The following AHI1 variants were observed in gnomAD, a reference collection of about 807,000 sequenced individuals.
AHI1 encodes jouberin.
In AHI1, 123 loss-of-function variants were observed where a neutral mutation model predicts 149.3. The observed-to-expected ratio is 0.82, with a 90% CI of 0.71 to 0.96. The LOEUF (loss-of-function observed/expected upper bound fraction) is 0.96, where lower values mean the gene tolerates loss of function less well. Ranked by LOEUF, AHI1 falls within the 40% of genes least tolerant of loss-of-function variation. AHI1 has a pLI of 0.00. For synonymous variants in AHI1, 475 were observed against 459.8 expected, an observed-to-expected ratio of 1.03 and a Z score of -0.42; for missense variants, 1,439 against 1,422.7, an observed-to-expected ratio of 1.01 and a Z score of -0.18.
rs772731992 is a variant in AHI1 at position 135,463,305 on chromosome 6, T to C, written c.751A>G (p.Thr251Ala). The change falls in exon 8 of 29, where the codon ACA (threonine) becomes GCA (alanine). Residue 251 changes from threonine to alanine, a missense_variant and splice_region_variant. Thr to Ala is a moderately conservative substitution (Grantham distance 58). Coordinates refer to ENST00000265602, the MANE Select transcript of AHI1 (RefSeq NM_001134831.2). Reference sequence around the variant, plus strand: ...ACTGTGTCACCAGAGATGGTCAATGTACTACAAATATAATCCAAGTATCAG... The same window carrying C: ...ACTGTGTCACCAGAGATGGTCAATGCACTACAAATATAATCCAAGTATCAG... ...VPVFSKAETS[T>A]LTISGDTVEG... 5.6e-6 allele frequency: 9 copies of C among 1,598,874 alleles called. No homozygotes were observed. Among genetic ancestry groups the C allele is most frequent in the Non-Finnish European group, 6.8e-6 (8 of 1,175,012 alleles).
chr6:135,387,765 A>C, intron 23 of AHI1: 1 of 1,226,166 alleles, frequency 8.2e-7, no homozygotes, highest in Non-Finnish European at 1.0e-6. Context: ...CTAAAAAAAA[A>C]AATCAAAAAA....
Position 135,388,099 on chromosome 6 carries a change from A to G in AHI1, c.3109+6677T>C, listed in dbSNP as rs1224282362. On this transcript the variant is annotated intron_variant, in intron 23 of 28. Transcript: ENST00000265602. ...AACATTTTTGATTCTTTTTAGTACC[A>G]TAAAAGACATTTAAGGGCATCTGCC... is the stretch of plus-strand genomic sequence containing the variant. The G allele has an allele frequency of 6.5e-6, 10 of 1,546,884 alleles. No homozygotes were observed. In the South Asian group the frequency reaches 1.2e-4, roughly 18 times the overall value.
chr6:135,302,826 GA>G, intron 26 of AHI1: 3 of 1,288,450 alleles, frequency 2.3e-6, no homozygotes, highest in Non-Finnish European at 2.0e-6. Context: ...ACCTTTAAAC[GA>G]AAAAGCCCCC....
In AHI1 at chr6:135,392,555, T is replaced by C. The variant is rs1352478998; in HGVS notation, c.3109+2221A>G. 2.0e-5 allele frequency among the ~76,000 whole-genome samples: 3 copies of C among 152,348 alleles called. No homozygotes were observed. The East Asian group carries it at 5.8e-4, about 29-fold the overall frequency. On this transcript the variant is annotated intron_variant, in intron 23 of 28. Transcript: ENST00000265602. ...CTGTCCAAAGGCAAATATCGACAGATGTGACTTGTATATTTCAGATAGGTT... is the reference window on the plus strand; with the variant it reads ...CTGTCCAAAGGCAAATATCGACAGACGTGACTTGTATATTTCAGATAGGTT...
At chr6:135,416,415 T>C (rs534541457) in intron 20 of AHI1, among the ~76,000 whole-genome samples, 6 of 152,110 alleles carry the variant, frequency 3.9e-5, no homozygotes, top group Admixed American at 1.3e-4. Context: ...CAAGACATTA[T>C]TTCCTGAGGA....
intron 20 of AHI1, among the ~76,000 whole-genome samples, chr6:135,426,069 T>G (rs1783871086): frequency 6.6e-6 from 1 of 151,752 alleles, no homozygotes; most frequent in Admixed American, 6.6e-5. Context: ...TTAGAGTGGG[T>G]ACAAAGAGAG....
chr6:135,492,171 C>A, intron 4 of AHI1, 57 bp downstream of exon 4: 1 of 1,364,200 alleles, frequency 7.3e-7, no homozygotes, highest in Non-Finnish European at 1.0e-6. Context: ...ATAAACCAAA[C>A]TTAAAAGTAA....
Position 135,394,883 on chromosome 6 carries a change from A to G in AHI1, c.3002T>C (p.Leu1001Pro), listed in dbSNP as rs1347960440. ...RSCAAKVNKN[L>P]SFTSPPAVSS... Reference sequence around the variant, plus strand: ...AACTGCTGGTGGTGAAGTAAATGAGAGATTTTTGTTGACCTGTATTAGGAA... The same window carrying G: ...AACTGCTGGTGGTGAAGTAAATGAGGGATTTTTGTTGACCTGTATTAGGAA... The change falls in exon 23 of 29, where the codon CTC (leucine) becomes CCC (proline). Residue 1001 changes from leucine to proline, a missense_variant. Coordinates refer to ENST00000265602, the MANE Select transcript of AHI1 (RefSeq NM_001134831.2). 1.3e-6 allele frequency: 2 copies of G among 1,598,784 alleles called. No individual in the cohort carries two copies.
intron 26 of AHI1, chr6:135,302,734 G>A (rs1174918850): frequency 2.3e-6 from 3 of 1,278,984 alleles, no homozygotes; most frequent in Non-Finnish European, 3.0e-6. Flanking sequence ...CTCAGCAGCA[G>A]CACGTCATAT....
intron 8 of AHI1, among the ~76,000 whole-genome samples, chr6:135,462,048 A>G (rs1229512129): frequency 2.0e-5 from 3 of 152,128 alleles, no homozygotes; most frequent in East Asian, 3.9e-4. Context: ...ATATGAGTAT[A>G]CTGCTTAGTG....
At chr6:135,474,240 AT>A in intron 5 of AHI1, among the ~76,000 whole-genome samples, 2 of 152,228 alleles carry the variant, frequency 1.3e-5, no homozygotes, top group East Asian at 3.9e-4. Context: ...TTTTTTGTAG[AT>A]TTTTTTGGGA....
At chr6:135,344,969 A>T (rs1790974245) in intron 24 of AHI1, among the ~76,000 whole-genome samples, 1 of 146,696 alleles carries the variant, frequency 6.8e-6, no homozygotes, top group Non-Finnish European at 1.5e-5. Context: ...ATATTAAAAA[A>T]ATCTAGTATA....
intron 23 of AHI1, among the ~76,000 whole-genome samples, chr6:135,361,459 T>A (rs996889006): frequency 1.4e-4 from 22 of 152,280 alleles, no homozygotes; most frequent in Middle Eastern, 3.4e-3. Context: ...TTACAAAGAA[T>A]GTTTTGCTGG....
chr6:135,461,928 G>A (rs1377582695), intron 8 of AHI1, among the ~76,000 whole-genome samples: 1 of 151,938 alleles, frequency 6.6e-6, no homozygotes, highest in African/African-American at 2.4e-5. Context: ...CTCCCACAGG[G>A]CAACTAACGG....
chr6:135,497,180 T>C lies in AHI1; in HGVS notation c.-140+8A>G, dbSNP rs965529278. The C allele has an allele frequency of 3.3e-5, 5 of 152,200 alleles. No homozygotes were observed. The highest frequency in any genetic ancestry group is 1.2e-4 in the African/African-American group (5 of 41,450). The allele number at this position is 152,200 out of a possible 1,614,324, so 9.4% of individuals were successfully genotyped here. Reference sequence around the variant, plus strand: ...ATTTGGCTCTTATAAATATAACAAATTGATCACCTTTTCTCAGACATAATT... The same window carrying C: ...ATTTGGCTCTTATAAATATAACAAACTGATCACCTTTTCTCAGACATAATT... On this transcript the variant is annotated splice_region_variant and intron_variant, in intron 2 of 28. Coordinates refer to ENST00000265602, the MANE Select transcript of AHI1 (RefSeq NM_001134831.2).
chr6:135,359,552 A>AT (rs1360093108), intron 23 of AHI1, among the ~76,000 whole-genome samples: 5 of 152,170 alleles, frequency 3.3e-5, no homozygotes, highest in African/African-American at 1.2e-4. Flanking sequence ...CTATTGTAAG[A>AT]TTTTAACAAT....
At chr6:135,452,831 C>T (rs1017630066) in intron 11 of AHI1, among the ~76,000 whole-genome samples, 1 of 152,068 alleles carries the variant, frequency 6.6e-6, no homozygotes, top group Non-Finnish European at 1.5e-5. Flanking sequence ...TACCATAGAC[C>T]ATTTCTTCCC....
intron 24 of AHI1, among the ~76,000 whole-genome samples, chr6:135,344,931 C>CACAG (rs1790964543): frequency 6.7e-6 from 1 of 148,948 alleles, no homozygotes; most frequent in Non-Finnish European, 1.5e-5. Flanking sequence ...CTGATTCACA[C>CACAG]ACACACACAC....
At chr6:135,299,331 G>A (rs925255748) in intron 27 of AHI1, among the ~76,000 whole-genome samples, 5 of 152,122 alleles carry the variant, frequency 3.3e-5, no homozygotes, top group African/African-American at 1.2e-4. Flanking sequence ...CAGAATTTTT[G>A]TACTGGAAGA....
Sources: allele counts gnomAD v4.1 joint callset (sites outside exome capture counted in the v4.1 genomes callset), GRCh38; gene constraint gnomAD v4.1.1; transcripts MANE v1.5; gene names NCBI Gene and HGNC (gene_info 2026-07-23, HGNC 2026-07-21).